AATK: variants seen among roughly 807,000 people sequenced by gnomAD.
AATK encodes lemur tail kinase 1.
AATK carries 91 observed loss-of-function variants against 114.3 expected under a neutral mutation model. That is an observed-to-expected ratio of 0.80 (90% CI 0.67 to 0.95). The LOEUF is 0.95. Ranked by LOEUF, AATK falls within the 40% of genes least tolerant of loss-of-function variation. The pLI is 0.00. For missense variants in AATK, 2,176 were observed against 1,965.2 expected, an observed-to-expected ratio of 1.11 and a Z score of -2.03; for synonymous variants, 1,075 against 916.5, an observed-to-expected ratio of 1.17 and a Z score of -3.12.
At chr17:81,123,979 A>G (rs981929836) in intron 9 of AATK, among the ~76,000 whole-genome samples, 42 of 152,288 alleles carry the variant, frequency 2.8e-4, no homozygotes, top group African/African-American at 1.0e-3. Flanking sequence ...TGGAGACCCC[A>G]GCCAGCGTGC....
At chr17:81,154,163 A>G (rs2061332473) in intron 1 of AATK, among the ~76,000 whole-genome samples, 1 of 152,124 alleles carries the variant, frequency 6.6e-6, no homozygotes, top group African/African-American at 2.4e-5. Context: ...GCCTACGAGA[A>G]AAAAAGCAGC....
At chr17:81,118,492 T>C (rs1253679195) in intron 13 of AATK, 50 bp from the exon 14 acceptor site, 1 of 1,582,190 alleles carries the variant, frequency 6.3e-7, no homozygotes, top group Non-Finnish European at 8.6e-7. Flanking sequence ...ACACCAGGGC[T>C]GCCTCCCCCG....
rs768962008 is a variant in AATK, at chr17:81,121,353, C to G, written c.2583G>C (p.Glu861Asp). 6.2e-7 allele frequency: 1 copy of G among 1,612,044 alleles called. No individual in the cohort carries two copies. The highest frequency in any genetic ancestry group is 1.1e-5 in the South Asian group (1 of 90,936). Residue 861 changes from glutamate (E) to aspartate (D), a missense_variant, in exon 11 of 14, where the codon GAG becomes GAC. Glu to Asp is a conservative substitution (Grantham distance 45). Around this residue, in one of 4 missense-constraint regions of AATK, gnomAD observed 1,701 missense variants for 1,394.7 expected, o/e 1.22. Coordinates refer to ENST00000326724, the MANE Select transcript of AATK (RefSeq NM_001080395.3). ...PEVEAPSSEDEDTAEATSGIF... is the reference protein window; with the variant it reads ...PEVEAPSSEDDDTAEATSGIF... ...TGCCTGAGGTGGCCTCGGCCGTGTC[C>G]TCATCCTCACTGCTGGGTGCCTCCA...
At chr17:81,125,076 G>T (rs2060785806) in intron 7 of AATK, 62 bp from the exon 8 acceptor site, 2 of 1,096,524 alleles carry the variant, frequency 1.8e-6, no homozygotes, top group Non-Finnish European at 1.3e-6. Flanking sequence ...GCCGGGTGGG[G>T]GCAGGGGGAG....
intron 1 of AATK, among the ~76,000 whole-genome samples, chr17:81,149,691 G>A (rs2061270171): frequency 6.6e-6 from 1 of 152,014 alleles, no homozygotes; most frequent in African/African-American, 2.4e-5. Context: ...CTGGGTGCCT[G>A]GAGCCTGTGC....
chr17:81,165,772 C>A (rs1379259100), intron 1 of AATK, 166 bp downstream of exon 1: 3 of 1,510,122 alleles, frequency 2.0e-6, no homozygotes, highest in African/African-American at 1.4e-5. Context: ...CCAGGGCCTG[C>A]CCCTCCGAGA....
chr17:81,120,856 A>C lies in AATK; in HGVS notation c.3080T>G (p.Leu1027Arg). Reference sequence around the variant, plus strand: ...CTCAGACGGCTGCCCAGTGCTCGGCAGGCCCAGCTCTGGCCCGGGGGCTCG... The same window carrying C: ...CTCAGACGGCTGCCCAGTGCTCGGCCGGCCCAGCTCTGGCCCGGGGGCTCG... Reference protein sequence around the residue: ...GDRAPGPELGLPSTGQPSEQV... With the variant: ...GDRAPGPELGRPSTGQPSEQV... Residue 1027 changes from leucine (L) to arginine (R), a missense_variant, in exon 11 of 14, where the codon CTG becomes CGG. Leu to Arg is a moderately radical substitution (Grantham distance 102, BLOSUM62 -2). Transcript: ENST00000326724. 6.3e-7 allele frequency: 1 copy of C among 1,579,050 alleles called. No individual in the cohort carries two copies. Among genetic ancestry groups the C allele is most frequent in the Non-Finnish European group, 8.6e-7 (1 of 1,162,762 alleles).
At position 81,122,022 on chromosome 17, in the gene AATK, G is replaced by T. The variant is rs768825150; in HGVS notation, c.1914C>A (p.Phe638Leu). 2 of 1,600,668 alleles carry T rather than the reference G, an allele frequency of 1.2e-6. No homozygotes were observed. Among genetic ancestry groups the T allele is most frequent in the South Asian group, 2.2e-5 (2 of 90,976 alleles). The change falls in exon 11 of 14, where the codon TTC (phenylalanine) becomes TTA (leucine). Residue 638 changes from phenylalanine (F) to leucine (L), a missense_variant. Transcript: ENST00000326724. Reference protein sequence around the residue: ...DWGVAAFCPAFFEDPLGTSPL... With the variant: ...DWGVAAFCPALFEDPLGTSPL... ...GGGACGTGCCCAGTGGGTCCTCGAA[G>T]AAGGCAGGACAGAAGGCGGCCACGC... is the stretch of plus-strand genomic sequence containing the variant.
At chr17:81,152,958 T>C (rs2146396137) in intron 1 of AATK, among the ~76,000 whole-genome samples, 1 of 151,980 alleles carries the variant, frequency 6.6e-6, no homozygotes, top group Non-Finnish European at 1.5e-5. Context: ...TTCTCTCGCC[T>C]CAGTCTCCCG....
intron 1 of AATK, among the ~76,000 whole-genome samples, chr17:81,158,760 T>C (rs1201845464): frequency 6.6e-6 from 1 of 152,132 alleles, no homozygotes; most frequent in East Asian, 1.9e-4. Flanking sequence ...AAGACCACCA[T>C]GGGCAGCCCC....
At chr17:81,152,844 ATT>A (rs71166127) in intron 1 of AATK, among the ~76,000 whole-genome samples, 87 of 145,032 alleles carry the variant, frequency 6.0e-4, no homozygotes, top group Admixed American at 8.9e-4. Flanking sequence ...GCCCTGCTGA[ATT>A]TTTTTTTTTT....
chr17:81,138,199 A>AGC (rs1260887740), intron 1 of AATK, among the ~76,000 whole-genome samples: 30 of 148,788 alleles, frequency 2.0e-4, no homozygotes, highest in Non-Finnish European at 4.0e-4. Flanking sequence ...GCACACACAC[A>AGC]CACACCCCCA....
intron 1 of AATK, among the ~76,000 whole-genome samples, chr17:81,140,693 G>A (rs1451684674): frequency 2.4e-5 from 3 of 125,858 alleles, no homozygotes; most frequent in African/African-American, 9.1e-5. Flanking sequence ...CCGTGGGGCC[G>A]TTGAGCTGTG....
At chr17:81,151,081 C>A (rs369453730) in intron 1 of AATK, among the ~76,000 whole-genome samples, 7 of 152,272 alleles carry the variant, frequency 4.6e-5, no homozygotes, top group Admixed American at 1.3e-4. Flanking sequence ...TCTGTGCCCC[C>A]CTACGAACCA....
rs557589770 is a variant in AATK at position 81,146,822 on chromosome 17, C to T, written c.56-12321G>A. On this transcript the variant is annotated intron_variant, in intron 1 of 13. Coordinates refer to ENST00000326724, the MANE Select transcript of AATK (RefSeq NM_001080395.3). ...TATAACATGTCCAGTTTCCAGACAGCGGGAGTTTGTAGAAGCCAGTAAATC... is the reference window on the plus strand; with the variant it reads ...TATAACATGTCCAGTTTCCAGACAGTGGGAGTTTGTAGAAGCCAGTAAATC... Among the ~76,000 whole-genome samples the T allele has an allele frequency of 2.6e-4, 40 of 151,486 alleles. No homozygotes were observed. In the South Asian group the frequency reaches 5.2e-3, roughly 20 times the overall value.
chr17:81,134,187 A>T (rs1432017271), intron 2 of AATK, among the ~76,000 whole-genome samples, 181 bp downstream of exon 2: 1 of 152,168 alleles, frequency 6.6e-6, no homozygotes, highest in Non-Finnish European at 1.5e-5. Context: ...CAGGTCCCTG[A>T]GGAGGAGCTA....
intron 1 of AATK, among the ~76,000 whole-genome samples, chr17:81,147,145 G>A (rs1005187475): frequency 2.0e-5 from 3 of 151,674 alleles, no homozygotes; most frequent in East Asian, 1.9e-4. Flanking sequence ...GACAGATCAC[G>A]AAGTCGGGAG....
intron 1 of AATK, among the ~76,000 whole-genome samples, chr17:81,158,596 G>A (rs1004384955): frequency 3.3e-5 from 5 of 152,178 alleles, no homozygotes; most frequent in South Asian, 2.1e-4. Context: ...CCACTGCCCC[G>A]AGCCTGGCTC....
intron 2 of AATK, 69 bp downstream of exon 2, chr17:81,134,299 G>A: frequency 1.3e-6 from 2 of 1,578,864 alleles, no homozygotes; most frequent in Admixed American, 3.6e-5. Context: ...GGGAAGCTCA[G>A]GGTCAAGTGG....
Sources: gnomAD v4.1 joint callset for allele counts (sites outside exome capture counted in the v4.1 genomes callset) on GRCh38, gnomAD v4.1.1 for gene constraint, gnomAD v4.1.1 regional missense constraint, MANE v1.5 for transcripts, NCBI Gene and HGNC (gene_info 2026-07-23, HGNC 2026-07-21) for gene names.